The following UBASH3B variants were observed in gnomAD, a reference collection of about 807,000 sequenced individuals.
UBASH3B encodes ubiquitin-associated and SH3 domain-containing protein B.
UBASH3B carries 37 observed loss-of-function variants against 83.4 expected under a neutral mutation model. The ratio of observed to expected loss-of-function variants is 0.44; its 90% CI spans 0.34 to 0.58. The LOEUF is 0.58. UBASH3B is among the 20% of genes least tolerant of loss of function. The probability of loss-of-function intolerance (pLI) is 0.01; values close to 1 mark genes in which losing one functional copy is unlikely to be tolerated. For synonymous variants in UBASH3B, 304 were observed against 318.3 expected (o/e 0.96, Z 0.48); for missense variants, 657 against 827.2 (o/e 0.79, Z 2.52).
intron 5 of UBASH3B, among the ~76,000 whole-genome samples, chr11:122,788,274 A>T (rs1410371894): frequency 2.6e-5 from 4 of 152,222 alleles, no homozygotes; most frequent in African/African-American, 9.6e-5. Flanking sequence ...TGTCTGGTTT[A>T]AAGAGCTAAG....
Position 122,797,425 on chromosome 11 carries a change from A to G in UBASH3B, c.1357+392A>G, listed in dbSNP as rs150345737. Among the ~76,000 whole-genome samples, 1,457 of 152,318 alleles carry G rather than the reference A, an allele frequency of 9.6e-3. 18 individuals carry two copies. Among genetic ancestry groups the G allele is most frequent in the African/African-American group, 0.033 (1,377 of 41,572 alleles). Reference sequence around the variant, plus strand: ...TTGTAAAGGCCAACTGATCCTTTGAAGATGCCTAGCTCTTTGCAAGCCCAT... The same window carrying G: ...TTGTAAAGGCCAACTGATCCTTTGAGGATGCCTAGCTCTTTGCAAGCCCAT... On this transcript the variant is annotated intron_variant, in intron 9 of 13. Transcript: ENST00000284273.
Position 122,785,311 on chromosome 11 carries a change from G to A in UBASH3B, c.771+2089G>A, listed in dbSNP as rs146617478. On this transcript the variant is annotated intron_variant, in intron 5 of 13. Transcript: ENST00000284273. ...CTGGACCTCTCCCGTGAGGTCTTTC[G>A]GTCCTACCTGAGCCGTCTGCACACG... Among the ~76,000 whole-genome samples, 707 of 152,104 alleles carry A rather than the reference G, an allele frequency of 4.6e-3. 7 individuals carry two copies. The highest frequency in any genetic ancestry group is 6.7e-3 in the Non-Finnish European group (457 of 67,984).
intron 6 of UBASH3B, among the ~76,000 whole-genome samples, chr11:122,791,700 G>A (rs916938210): frequency 6.6e-6 from 1 of 152,166 alleles, no homozygotes; most frequent in Admixed American, 6.5e-5. Context: ...AGCCCCAGGG[G>A]GATGTCAAGC....
intron 1 of UBASH3B, among the ~76,000 whole-genome samples, chr11:122,660,478 G>A (rs1373379564): frequency 6.6e-6 from 1 of 152,170 alleles, no homozygotes; most frequent in Admixed American, 6.5e-5. Context: ...AGAATGTATT[G>A]GGGGCAAAGA....
At chr11:122,729,143 T>A (rs553492416) in intron 1 of UBASH3B, among the ~76,000 whole-genome samples, 1 of 152,222 alleles carries the variant, frequency 6.6e-6, no homozygotes, top group African/African-American at 2.4e-5. Context: ...CTGGGAGGAC[T>A]GGGAGGCTCT....
At chr11:122,728,701 G>A (rs1340721322) in intron 1 of UBASH3B, among the ~76,000 whole-genome samples, 5 of 152,132 alleles carry the variant, frequency 3.3e-5, no homozygotes, top group Admixed American at 1.3e-4. Context: ...CCTAGAATGC[G>A]CTTTGCACTG....
chr11:122,687,714 C>T (rs35541161), intron 1 of UBASH3B, among the ~76,000 whole-genome samples: 8,760 of 152,138 alleles, frequency 0.058, 314 homozygotes, highest in African/African-American at 0.093. Flanking sequence ...GCATTTTAAT[C>T]CATGTGTGCT....
At chr11:122,770,182 T>G (rs1406158491) in intron 1 of UBASH3B, among the ~76,000 whole-genome samples, 4 of 152,234 alleles carry the variant, frequency 2.6e-5, no homozygotes, top group Non-Finnish European at 5.9e-5. Flanking sequence ...CCACCAGCAA[T>G]GCAAAGTCAA....
chr11:122,808,993 A>T (rs1861390852), intron 13 of UBASH3B, among the ~76,000 whole-genome samples: 1 of 150,594 alleles, frequency 6.6e-6, no homozygotes. Context: ...AAAACGGGTG[A>T]AACAAATTTT....
chr11:122,706,106 C>CTTT (rs36055058), intron 1 of UBASH3B, among the ~76,000 whole-genome samples: 70 of 126,934 alleles, frequency 5.5e-4, no homozygotes, highest in African/African-American at 1.4e-3. Flanking sequence ...TCTTTTCTTT[C>CTTT]TTTTTTTTTT....
intron 1 of UBASH3B, among the ~76,000 whole-genome samples, chr11:122,663,653 C>G (rs1863477091): frequency 6.6e-6 from 1 of 152,228 alleles, no homozygotes; most frequent in Admixed American, 6.5e-5. Flanking sequence ...CCAATCCCAG[C>G]CGGCATAAGC....
At chr11:122,672,686 C>G (rs1169697624) in intron 1 of UBASH3B, among the ~76,000 whole-genome samples, 3 of 152,106 alleles carry the variant, frequency 2.0e-5, no homozygotes, top group South Asian at 4.1e-4. Context: ...TTTCAGTTCA[C>G]AAGAAAAAAC....
intron 2 of UBASH3B, among the ~76,000 whole-genome samples, chr11:122,776,726 T>C (rs888186812): frequency 6.6e-5 from 10 of 152,078 alleles, no homozygotes; most frequent in Non-Finnish European, 1.3e-4. Flanking sequence ...TCCTAGTGGA[T>C]TGGGAAAGGA....
rs1861322049 is a variant in UBASH3B at position 122,758,708 on chromosome 11, C to G, written c.162-17511C>G. On this transcript the variant is annotated intron_variant, in intron 1 of 13. Transcript: ENST00000284273. This position sits in a 1 kb window ranked among gnomAD's most constrained non-coding sequence, Gnocchi z 4.2. ...GCCACTCCACGCCACTCTACTCCCT[C>G]CCTTAAGTTGCCAAGCTTTAACTCT... is the stretch of plus-strand genomic sequence containing the variant. Among the ~76,000 whole-genome samples the G allele has an allele frequency of 6.6e-6, 1 of 152,232 alleles. No individual in the cohort carries two copies. Among genetic ancestry groups the G allele is most frequent in the Non-Finnish European group, 1.5e-5 (1 of 68,034 alleles).
rs150696870 is a variant in UBASH3B at position 122,656,113 on chromosome 11, G to A, written c.64G>A (p.Val22Ile). The A allele has an allele frequency of 1.8e-3, 2,958 of 1,600,992 alleles. 3 individuals are homozygous for A. Among genetic ancestry groups the A allele is most frequent in the Non-Finnish European group, 2.3e-3 (2,675 of 1,174,934 alleles). The part of the protein sequence containing the change: ...MAAREELYSK[V>I]TPRRNRQQRP... ...TGCGAGAGAGGAGCTGTACAGCAAA[G>A]TCACCCCCCGGAGGAACCGCCAACA... The change falls in exon 1 of 14, where the codon GTC (valine) becomes ATC (isoleucine). Residue 22 changes from valine (V) to isoleucine (I), a missense_variant. Physicochemically the swap from Val to Ile is conservative, Grantham distance 29. Transcript: ENST00000284273.
At position 122,806,363 on chromosome 11, in the gene UBASH3B, T is replaced by A; in HGVS notation, c.1596-47T>A. The A allele has an allele frequency of 6.7e-7, 1 of 1,497,396 alleles. No homozygotes were observed. Among genetic ancestry groups the A allele is most frequent in the Non-Finnish European group, 9.1e-7 (1 of 1,095,856 alleles). 92.8% of individuals were successfully genotyped at this position (1,497,396 alleles called of 1,614,324 possible). ...GTTTAGAGTGATATCTTCCTTTGTC[T>A]CAAGATCAAAATGTTTTCATTTCCT... On this transcript the variant is annotated intron_variant, in intron 11 of 13. Transcript: ENST00000284273. This position sits in a 1 kb window ranked among gnomAD's most constrained non-coding sequence, Gnocchi z 4.0.
intron 1 of UBASH3B, among the ~76,000 whole-genome samples, chr11:122,666,337 C>T (rs1043510613): frequency 6.6e-6 from 1 of 152,210 alleles, no homozygotes; most frequent in African/African-American, 2.4e-5. Context: ...TAGACACAGA[C>T]ATGTGGAACG....
Position 122,761,779 on chromosome 11 carries a change from C to CTTTT in UBASH3B, c.162-14412_162-14409dup, listed in dbSNP as rs138806467. Among the ~76,000 whole-genome samples the CTTTT allele has an allele frequency of 7.6e-4, 50 of 65,406 alleles. 5 individuals carry two copies. The highest frequency in any genetic ancestry group is 2.7e-3 in the African/African-American group (40 of 15,060). 42.9% of individuals were successfully genotyped at this position (65,406 alleles called of 152,430 possible). A position where few individuals can be genotyped will look rare whatever the true frequency, so the allele number is the denominator to read the frequency against. On this transcript the variant is annotated intron_variant, in intron 1 of 13. Transcript: ENST00000284273. ...CATTTTCATCTGTTTCTCCCAGATC[C>CTTTT]TTTTTTTTTTTTTTTTTTTTTTTTT...
At chr11:122,791,445 G>A (rs549238856) in intron 6 of UBASH3B, among the ~76,000 whole-genome samples, 15 of 152,250 alleles carry the variant, frequency 9.9e-5, no homozygotes, top group Middle Eastern at 6.8e-3. Context: ...GGTGTATAGC[G>A]GTGACTATAA....
Sources: gnomAD v4.1 joint callset for allele counts (sites outside exome capture counted in the v4.1 genomes callset) on GRCh38, gnomAD v4.1.1 for gene constraint, Gnocchi (gnomAD v3.1) non-coding constraint, MANE v1.5 for transcripts, NCBI Gene and HGNC (gene_info 2026-07-23, HGNC 2026-07-21) for gene names.